The following HLA-G variants were observed in gnomAD, a reference collection of about 807,000 sequenced individuals.
HLA-G encodes major histocompatibility complex, class I, G, also known as HLA class I histocompatibility antigen, alpha chain G.
Under a neutral mutation model 39.3 loss-of-function variants are expected in HLA-G, and 34 were observed. That is an observed-to-expected ratio of 0.86 (90% CI 0.66 to 1.15). The LOEUF (loss-of-function observed/expected upper bound fraction) is 1.15. Ranked by LOEUF, HLA-G falls within the 50% of genes most tolerant of loss-of-function variation. The probability of loss-of-function intolerance (pLI) is 0.00; values close to 1 mark genes in which losing one functional copy is unlikely to be tolerated. For synonymous variants in HLA-G, 183 were observed against 185.8 expected, an observed-to-expected ratio of 0.99 and a Z score of 0.12; for missense variants, 419 against 456.4, an observed-to-expected ratio of 0.92 and a Z score of 0.75.
intron 5 of HLA-G, among the ~76,000 whole-genome samples, 180 bp from the exon 6 acceptor site, chr6:29,830,198 C>G (rs1761154302): frequency 6.6e-6 from 1 of 152,124 alleles, no homozygotes; most frequent in African/African-American, 2.4e-5. Flanking sequence ...TAAGGACAGA[C>G]CTTAGGAGGG....
chr6:29,828,396 C>T, intron 2 of HLA-G, 80 bp downstream of exon 2: 1 of 1,556,502 alleles, frequency 6.4e-7, no homozygotes, highest in African/African-American at 1.4e-5. Flanking sequence ...CCCGAGTCTC[C>T]GGGTCTGGGA....
upstream of HLA-G, chr6:29,827,696 G>T: frequency 1.3e-6 from 1 of 791,658 alleles, no homozygotes; most frequent in South Asian, 1.5e-5. Flanking sequence ...AACCTGTGTC[G>T]GGTCCTTCTT....
At chr6:29,829,081 T>C (rs867752316) in intron 3 of HLA-G, among the ~76,000 whole-genome samples, 32 of 151,978 alleles carry the variant, frequency 2.1e-4, no homozygotes, top group African/African-American at 3.4e-4. Context: ...GGGGTTCCCT[T>C]TGACCCCACA....
intron 2 of HLA-G, 77 bp downstream of exon 2, chr6:29,828,393 CTCCGGG>C: frequency 6.4e-7 from 1 of 1,557,654 alleles, no homozygotes; most frequent in Non-Finnish European, 8.7e-7. Context: ...ACTCCCGAGT[CTCCGGG>C]TCTGGGATCC....
In HLA-G at chr6:29,827,886, G is replaced by T; in HGVS notation, c.42G>T (p.Ser14=). 1 of 1,612,548 alleles carries T rather than the reference G, an allele frequency of 6.2e-7. No homozygotes were observed. The highest frequency in any genetic ancestry group is 8.5e-7 in the Non-Finnish European group (1 of 1,179,314). The change falls in exon 1 of 7, where the codon TCG becomes TCT. Residue 14 remains serine, a synonymous_variant. Coordinates refer to ENST00000360323, the MANE Select transcript of HLA-G (RefSeq NM_001384290.1). ...CCCGAACCCTCTTCCTGCTGCTCTC[G>T]GGGGCCCTGACCCTGACCGAGACCT... ...MAPRTLFLLL[S]GALTLTETWA... is the part of the protein sequence containing the mutation.
chr6:29,827,688 C>T (rs1760783267), upstream of HLA-G: 3 of 769,510 alleles, frequency 3.9e-6, no homozygotes, highest in Non-Finnish European at 6.8e-6. Flanking sequence ...CTTCTCCTAA[C>T]CTGTGTCGGG....
At chr6:29,830,636 T>C (rs574717198) in intron 6 of HLA-G, 132 bp from the exon 7 acceptor site, 2 of 713,654 alleles carry the variant, frequency 2.8e-6, no homozygotes, top group Admixed American at 3.9e-5. Flanking sequence ...TGTGGGTTGT[T>C]GAGGGGAACA....
rs1472675238 is a variant in HLA-G, at chr6:29,830,874, AC to A, written c.*138del. The A allele has an allele frequency of 3.2e-5, 12 of 378,078 alleles. No individual in the cohort carries two copies. Among genetic ancestry groups the A allele is most frequent in the Non-Finnish European group, 4.4e-5 (8 of 183,612 alleles). The allele number at this position is 378,078 out of a possible 1,614,324, so 23.4% of individuals were successfully genotyped here. On this transcript the variant is annotated 3_prime_UTR_variant, in exon 7 of 7. Transcript: ENST00000360323. ...CCAGCCCACCCCTGTGCCCACCATG[AC>A]CCTCTTCCTCATGCTGAACTGCATT...
Position 29,828,196 on chromosome 6 carries a change from T to A in HLA-G, c.223T>A (p.Trp75Arg). Reference protein sequence around the residue: ...ACPRMEPRAPWVEQEGPEYWE... With the variant: ...ACPRMEPRAPRVEQEGPEYWE... ...TCCGAGGATGGAGCCGCGGGCGCCG[T>A]GGGTGGAGCAGGAGGGGCCGGAGTA... The change falls in exon 2 of 7, where the codon TGG becomes AGG. Residue 75 changes from tryptophan (W) to arginine (R), a missense_variant. By Grantham distance (101) the Trp-to-Arg change is moderately radical. Coordinates refer to ENST00000360323, the MANE Select transcript of HLA-G (RefSeq NM_001384290.1). 3 of 1,613,206 alleles carry A rather than the reference T, an allele frequency of 1.9e-6. No individual in the cohort carries two copies. The highest frequency in any genetic ancestry group is 2.5e-6 in the Non-Finnish European group (3 of 1,179,818).
chr6:29,827,725 G>T (rs562447347), upstream of HLA-G: 112 of 966,406 alleles, frequency 1.2e-4, no homozygotes, highest in South Asian at 1.3e-3. Flanking sequence ...CTCACCGGGC[G>T]GCCCCAGTTC....
chr6:29,827,560 G>T, upstream of HLA-G: 1 of 447,884 alleles, frequency 2.2e-6, no homozygotes, highest in Non-Finnish European at 4.1e-6. Flanking sequence ...CAGAACGCTT[G>T]GCACAAGAGT....
At chr6:29,827,748 G>A (rs1490127560), upstream of HLA-G, 2 of 1,243,594 alleles carry the variant, frequency 1.6e-6, no homozygotes, top group African/African-American at 1.5e-5. Context: ...ACTCCCATTA[G>A]GTGACAGGTT....
In HLA-G at chr6:29,828,229, G is replaced by T; in HGVS notation, c.256G>T (p.Glu86Ter). 1 of 1,613,322 alleles carries T rather than the reference G, an allele frequency of 6.2e-7. No individual in the cohort carries two copies. The highest frequency in any genetic ancestry group is 8.5e-7 in the Non-Finnish European group (1 of 1,179,786). The part of the protein sequence containing the change: ...VEQEGPEYWE[E>*]ETRNTKAHAQ... Reference sequence around the variant, plus strand: ...GCAGGAGGGGCCGGAGTATTGGGAAGAGGAGACACGGAACACCAAGGCCCA... The same window carrying T: ...GCAGGAGGGGCCGGAGTATTGGGAATAGGAGACACGGAACACCAAGGCCCA... The change falls in exon 2 of 7, where the codon GAG becomes TAG. Residue 86 changes from glutamate (E) to a stop codon, truncating the protein, a stop_gained. Transcript: ENST00000360323. LOFTEE classifies it high-confidence loss of function.
chr6:29,829,612 G>A lies in HLA-G; in HGVS notation c.814G>A (p.Val272Met), dbSNP rs773398196. ...AACCTTCCAGAAGTGGGCAGCTGTG[G>A]TGGTGCCTTCTGGAGAGGAGCAGAG... ...DGTFQKWAAV[V>M]VPSGEEQRYT... Residue 272 changes from valine (V) to methionine (M), a missense_variant, in exon 4 of 7, where the codon GTG becomes ATG. Val to Met is a conservative substitution (Grantham distance 21). This residue lies in a region of HLA-G where 328 missense variants were observed against 323.0 expected (regional missense o/e 1.02). Coordinates refer to ENST00000360323, the MANE Select transcript of HLA-G (RefSeq NM_001384290.1). 1 of 1,614,010 alleles carries A rather than the reference G, an allele frequency of 6.2e-7. No homozygotes were observed. Among genetic ancestry groups the A allele is most frequent in the East Asian group, 2.2e-5 (1 of 44,890 alleles).
rs1760865560 is a variant in HLA-G at position 29,828,224 on chromosome 6, G to A, written c.251G>A (p.Trp84Ter). Residue 84 changes from tryptophan to a stop codon, truncating the protein, a stop_gained, in exon 2 of 7, where the codon TGG (tryptophan) becomes TAG (stop). Coordinates refer to ENST00000360323, the MANE Select transcript of HLA-G (RefSeq NM_001384290.1). LOFTEE classifies it high-confidence loss of function. ...PWVEQEGPEY[W>*]EEETRNTKAH... ...GTGGAGCAGGAGGGGCCGGAGTATT[G>A]GGAAGAGGAGACACGGAACACCAAG... 1.9e-6 allele frequency: 3 copies of A among 1,613,616 alleles called. No homozygotes were observed. The highest frequency in any genetic ancestry group is 2.5e-6 in the Non-Finnish European group (3 of 1,179,870).
Position 29,828,679 on chromosome 6 carries a change from G to A in HLA-G, c.480G>A (p.Ala160=), listed in dbSNP as rs777893003. ...LNEDLRSWTA[A]DTAAQISKRK... ...AGGACCTGCGCTCCTGGACCGCAGC[G>A]GACACTGCGGCTCAGATCTCCAAGC... The change falls in exon 3 of 7, where the codon GCG becomes GCA. Residue 160 remains alanine (A), a synonymous_variant. Coordinates refer to ENST00000360323, the MANE Select transcript of HLA-G (RefSeq NM_001384290.1). The A allele has an allele frequency of 1.5e-5, 25 of 1,613,600 alleles. No individual in the cohort carries two copies. In the South Asian group the frequency reaches 2.2e-4, roughly 14 times the overall value.
Position 29,829,809 on chromosome 6 carries a change from T to C in HLA-G, c.896-7T>C. The C allele has an allele frequency of 6.2e-7, 1 of 1,611,838 alleles. No homozygotes were observed. Among genetic ancestry groups the C allele is most frequent in the Non-Finnish European group, 8.5e-7 (1 of 1,178,536 alleles). ...TCAGAGACCCTCACCTTCACCTCCT[T>C]TCCCAGAGCAGTCTTCCCTGCCCAC... On this transcript the variant is annotated splice_region_variant and splice_polypyrimidine_tract_variant and intron_variant, in intron 4 of 6. Coordinates refer to ENST00000360323, the MANE Select transcript of HLA-G (RefSeq NM_001384290.1).
rs1373821106 is a variant in HLA-G, at chr6:29,828,700, C to T, written c.501C>T (p.Ser167=). 5 of 1,613,622 alleles carry T rather than the reference C, an allele frequency of 3.1e-6. No individual in the cohort carries two copies. Among genetic ancestry groups the T allele is most frequent in the East Asian group, 2.2e-5 (1 of 44,896 alleles). ...CAGCGGACACTGCGGCTCAGATCTC[C>T]AAGCGCAAGTGTGAGGCGGCCAATG... ...WTAADTAAQI[S]KRKCEAANVA... Residue 167 remains serine (S), a synonymous_variant, in exon 3 of 7, where the codon TCC becomes TCT. Coordinates refer to ENST00000360323, the MANE Select transcript of HLA-G (RefSeq NM_001384290.1).
intron 1 of HLA-G, 26 bp downstream of exon 1, chr6:29,827,943 A>G (rs56388903): frequency 0.86 from 1,376,427 of 1,599,422 alleles, 593,803 homozygotes; most frequent in East Asian, 0.99. Flanking sequence ...GGAGGGAAAC[A>G]GCCCCTGCGC....
Sources: allele counts gnomAD v4.1 joint callset (sites outside exome capture counted in the v4.1 genomes callset), GRCh38; gene constraint gnomAD v4.1.1; regional missense constraint gnomAD v4.1.1; transcripts MANE v1.5; gene names NCBI Gene and HGNC (gene_info 2026-07-23, HGNC 2026-07-21).